The following LINGO2 variants were observed in gnomAD, a reference collection of about 807,000 sequenced individuals.
LINGO2 encodes the protein leucine rich repeat and Ig domain containing 2.
In LINGO2, 14 loss-of-function variants were observed where a neutral mutation model predicts 30.6. That is an observed-to-expected ratio of 0.46 (90% confidence interval 0.30 to 0.72). The LOEUF (loss-of-function observed/expected upper bound fraction) is 0.72. Ranked by LOEUF, LINGO2 falls within the 30% of genes least tolerant of loss-of-function variation. The pLI, the probability that LINGO2 is intolerant of heterozygous loss-of-function variation, is 0.07. For missense variants in LINGO2, 729 were observed against 751.7 expected, an observed-to-expected ratio of 0.97 and a Z score of 0.35; for synonymous variants, 317 against 288.5, an observed-to-expected ratio of 1.10 and a Z score of -1.00.
intron 5 of LINGO2, among the ~76,000 whole-genome samples, chr9:27,981,569 A>AAAAAAC: frequency 7.8e-6 from 1 of 128,020 alleles, no homozygotes; most frequent in South Asian, 2.8e-4. Context: ...AGAAAAAAAA[A>AAAAAAC]GAAAAAAAAA....
At chr9:28,120,729 C>T (rs1161116091) in intron 4 of LINGO2, among the ~76,000 whole-genome samples, 1 of 151,972 alleles carries the variant, frequency 6.6e-6, no homozygotes, top group Non-Finnish European at 1.5e-5. Context: ...TGTTAAATTC[C>T]GGTTGAAGCA....
intron 4 of LINGO2, among the ~76,000 whole-genome samples, chr9:28,121,216 T>C (rs770433515): frequency 6.6e-6 from 1 of 151,434 alleles, no homozygotes; most frequent in Non-Finnish European, 1.5e-5. Flanking sequence ...ATTGTATATA[T>C]GCTGTTTCTC....
intron 4 of LINGO2, among the ~76,000 whole-genome samples, chr9:28,127,569 A>G (rs1827272114): frequency 6.6e-6 from 1 of 152,216 alleles, no homozygotes; most frequent in Admixed American, 6.5e-5. Flanking sequence ...ATTGCTGAAT[A>G]GAGGATGCTT....
chr9:29,150,635 T>G, the LINGO2 span, among the ~76,000 whole-genome samples: 1 of 152,066 alleles, frequency 6.6e-6, no homozygotes, highest in African/African-American at 2.4e-5. Flanking sequence ...GTTCAAAATA[T>G]CAACACCAGA....
intron 4 of LINGO2, among the ~76,000 whole-genome samples, chr9:28,203,471 T>C (rs900068362): frequency 1.3e-5 from 2 of 152,006 alleles, no homozygotes; most frequent in Admixed American, 1.3e-4. Flanking sequence ...GAGGAATAGG[T>C]AGTGAGGCAG....
intron 2 of LINGO2, among the ~76,000 whole-genome samples, chr9:28,472,768 G>T (rs1319130226): frequency 1.3e-5 from 2 of 151,484 alleles, no homozygotes; most frequent in East Asian, 1.9e-4. Context: ...GTTTATCTTT[G>T]CCCTCTGCAG....
At chr9:28,290,953 C>CT (rs1823705206) in intron 4 of LINGO2, among the ~76,000 whole-genome samples, 1 of 152,086 alleles carries the variant, frequency 6.6e-6, no homozygotes, top group Non-Finnish European at 1.5e-5. Flanking sequence ...CAACCAATGA[C>CT]TGATGAGAAT....
At chr9:28,347,431 G>A (rs1172633472) in intron 3 of LINGO2, among the ~76,000 whole-genome samples, 1 of 2,584 alleles carries the variant, frequency 3.9e-4, no homozygotes, top group Admixed American at 8.1e-3. Context: ...GGCAGAGAGT[G>A]ATACACACAC....
At chr9:29,098,214 G>A in the LINGO2 span, among the ~76,000 whole-genome samples, 2 of 152,056 alleles carry the variant, frequency 1.3e-5, no homozygotes, top group African/African-American at 4.8e-5. Flanking sequence ...TAGTGGTTGA[G>A]CATCTAACTG....
At chr9:28,314,428 C>T (rs148313809) in intron 3 of LINGO2, among the ~76,000 whole-genome samples, 2 of 152,164 alleles carry the variant, frequency 1.3e-5, no homozygotes, top group African/African-American at 4.8e-5. Flanking sequence ...GGAGCTTAAC[C>T]CTGTACTCTA....
intron 3 of LINGO2, among the ~76,000 whole-genome samples, chr9:28,360,254 T>G (rs1820388377): frequency 6.6e-6 from 1 of 152,208 alleles, no homozygotes; most frequent in South Asian, 2.1e-4. Flanking sequence ...GCTAGAGCAC[T>G]ATTCCTTTAA....
At chr9:28,901,581 T>G in the LINGO2 span, among the ~76,000 whole-genome samples, 8,057 of 151,720 alleles carry the variant, frequency 0.053, 261 homozygotes, top group East Asian at 0.11. Context: ...ATAGGGGGTG[T>G]AATAAAAGTG....
At chr9:28,656,641 CAT>C (rs764512604) in intron 1 of LINGO2, among the ~76,000 whole-genome samples, 30 of 152,200 alleles carry the variant, frequency 2.0e-4, no homozygotes, top group African/African-American at 5.1e-4. Flanking sequence ...ATTAAAGAGA[CAT>C]GTGATCCTAT....
chr9:28,739,226 G>A, the LINGO2 span, among the ~76,000 whole-genome samples: 2 of 151,884 alleles, frequency 1.3e-5, no homozygotes, highest in African/African-American at 4.8e-5. Flanking sequence ...CCTATTTCAA[G>A]AAAAGATAAA....
chr9:28,534,583 A>G (rs181633413), intron 1 of LINGO2, among the ~76,000 whole-genome samples: 2 of 152,264 alleles, frequency 1.3e-5, no homozygotes, highest in East Asian at 3.9e-4. Flanking sequence ...TTTCTAAGAA[A>G]ACTTTCTTAA....
intron 3 of LINGO2, among the ~76,000 whole-genome samples, chr9:28,363,834 C>T (rs913714536): frequency 1.2e-4 from 19 of 152,050 alleles, no homozygotes; most frequent in Admixed American, 9.2e-4. Flanking sequence ...TGTCTCTTTG[C>T]TTTGTGTTTT....
chr9:29,012,345 A>G, the LINGO2 span, among the ~76,000 whole-genome samples: 11 of 149,824 alleles, frequency 7.3e-5, no homozygotes, highest in African/African-American at 2.4e-4. Context: ...GCGACCGAAC[A>G]AGATTCCATC....
chr9:28,362,251 CGT>C (rs1820479920), intron 3 of LINGO2, among the ~76,000 whole-genome samples: 1 of 151,632 alleles, frequency 6.6e-6, no homozygotes, highest in South Asian at 2.1e-4. Flanking sequence ...TGTGTGTGCA[CGT>C]GTGTGTGTGC....
At chr9:28,694,537 C>T in the LINGO2 span, among the ~76,000 whole-genome samples, 1 of 151,972 alleles carries the variant, frequency 6.6e-6, no homozygotes, top group Non-Finnish European at 1.5e-5. Context: ...TACTTACAAC[C>T]TCAAAAATCC....
Sources: allele counts gnomAD v4.1 joint callset (sites outside exome capture counted in the v4.1 genomes callset), GRCh38; gene constraint gnomAD v4.1.1; transcripts MANE v1.5; gene names NCBI Gene and HGNC (gene_info 2026-07-23, HGNC 2026-07-21).